Variants in PCCB observed in about 807,000 individuals in gnomAD.
PCCB encodes the protein propionyl-CoA carboxylase subunit beta, also known as propionyl-CoA carboxylase beta chain, mitochondrial.
Under a neutral mutation model 60.7 loss-of-function variants are expected in PCCB, and 43 were observed. The observed-to-expected ratio is 0.71, with a 90% CI of 0.55 to 0.91. PCCB has a LOEUF of 0.91. Among genes scored for constraint, PCCB ranks in the 40% least tolerant of loss-of-function variants. The pLI, the probability that PCCB is intolerant of heterozygous loss-of-function variation, is 0.00. For missense variants in PCCB, 766 were observed against 702.8 expected, an observed-to-expected ratio of 1.09 and a Z score of -1.02; for synonymous variants, 276 against 255.9, an observed-to-expected ratio of 1.08 and a Z score of -0.75.
At chr3:136,326,273 C>A (rs16843918) in intron 10 of PCCB, 2 of 698,182 alleles carry the variant, frequency 2.9e-6, no homozygotes, top group East Asian at 5.4e-5. Context: ...GGAAACTCTT[C>A]TAGGAGGGGA....
At chr3:136,316,557 C>A (rs1934902872) in intron 9 of PCCB, among the ~76,000 whole-genome samples, 1 of 152,258 alleles carries the variant, frequency 6.6e-6, no homozygotes, top group Admixed American at 6.5e-5. Flanking sequence ...CTCAGGTGAT[C>A]CACCTGCCTC....
chr3:136,261,899 G>T, intron 4 of PCCB, 53 bp from the exon 5 acceptor site: 1 of 1,273,142 alleles, frequency 7.9e-7, no homozygotes, highest in South Asian at 1.3e-5. Context: ...TGTGAATGTC[G>T]TTTTTTATAT....
chr3:136,264,430 A>ATATGTG (rs1553775211), intron 5 of PCCB, among the ~76,000 whole-genome samples: 1 of 129,336 alleles, frequency 7.7e-6, no homozygotes, highest in Non-Finnish European at 1.7e-5. Context: ...TCTCATATAT[A>ATATGTG]TGTGTGTGTG....
At chr3:136,308,974 A>G (rs1293145009) in intron 9 of PCCB, among the ~76,000 whole-genome samples, 1 of 152,178 alleles carries the variant, frequency 6.6e-6, no homozygotes, top group Non-Finnish European at 1.5e-5. Flanking sequence ...GAGAAGGAAA[A>G]TAAACAGGCC....
chr3:136,259,989 T>C (rs1207220508), intron 3 of PCCB, among the ~76,000 whole-genome samples: 1 of 152,180 alleles, frequency 6.6e-6, no homozygotes, highest in East Asian at 1.9e-4. Context: ...TGACCTCAAG[T>C]GATCCTCCTG....
At chr3:136,251,277 G>A in intron 1 of PCCB, 1 of 456,648 alleles carries the variant, frequency 2.2e-6, no homozygotes, top group Non-Finnish European at 4.4e-6. Context: ...TAAGCTGGGC[G>A]GCCCATTTTG....
At chr3:136,294,535 C>G (rs1428482364) in intron 7 of PCCB, among the ~76,000 whole-genome samples, 2 of 151,800 alleles carry the variant, frequency 1.3e-5, no homozygotes, top group South Asian at 4.2e-4. Flanking sequence ...GTGTCAGACT[C>G]TTGGCCTCAA....
Position 136,275,154 on chromosome 3 carries a change from T to G in PCCB, c.544-8683T>G, listed in dbSNP as rs562784068. 1.4e-3 allele frequency among the ~76,000 whole-genome samples: 216 copies of G among 152,296 alleles called. 1 individual carries two copies. The highest frequency in any genetic ancestry group is 4.8e-3 in the African/African-American group (201 of 41,572). On this transcript the variant is annotated intron_variant, in intron 5 of 14. Transcript: ENST00000251654. ...TCTTTTTTCTTTATTTTTGTCTGATTGGGTTAATTTGAAAGCCTTGTCTTG... is the reference window on the plus strand; with the variant it reads ...TCTTTTTTCTTTATTTTTGTCTGATGGGGTTAATTTGAAAGCCTTGTCTTG...
At chr3:136,300,741 G>T (rs555735768) in intron 8 of PCCB, among the ~76,000 whole-genome samples, 1 of 152,318 alleles carries the variant, frequency 6.6e-6, no homozygotes, top group South Asian at 2.1e-4. Flanking sequence ...TACCTAGAAT[G>T]TAGGAGGTAT....
chr3:136,291,618 C>T (rs1215358972), intron 6 of PCCB, among the ~76,000 whole-genome samples: 3 of 152,076 alleles, frequency 2.0e-5, no homozygotes, highest in Admixed American at 2.0e-4. Flanking sequence ...TTGGGGCTGG[C>T]CATTTCCCCT....
In PCCB at chr3:136,329,775, C is replaced by A. The variant is rs1005354553; in HGVS notation, c.1499-130C>A. On this transcript the variant is annotated intron_variant, in intron 14 of 14. Transcript: ENST00000251654. ...ACAAGGGGGAATTCACAGGGCCTAC[C>A]ATCTCTGTATCAGGTTGGGCACTGC... 5 of 941,636 alleles carry A rather than the reference C, an allele frequency of 5.3e-6. No individual in the cohort carries two copies. In the African/African-American group the frequency reaches 8.0e-5, roughly 15 times the overall value. 58.3% of individuals were successfully genotyped at this position (941,636 alleles called of 1,614,324 possible).
intron 6 of PCCB, among the ~76,000 whole-genome samples, chr3:136,288,404 G>T (rs1462778134): frequency 6.6e-6 from 1 of 151,910 alleles, no homozygotes; most frequent in African/African-American, 2.4e-5. Flanking sequence ...GGAGTGCAGT[G>T]GTGTGATCTC....
At chr3:136,318,062 G>A (rs1299930476) in intron 10 of PCCB, among the ~76,000 whole-genome samples, 1 of 152,158 alleles carries the variant, frequency 6.6e-6, no homozygotes, top group Non-Finnish European at 1.5e-5. Flanking sequence ...GTTTTGGCTG[G>A]GTGTGGTGCC....
intron 5 of PCCB, among the ~76,000 whole-genome samples, chr3:136,271,284 T>C (rs1288095419): frequency 6.6e-6 from 1 of 152,210 alleles, no homozygotes; most frequent in Non-Finnish European, 1.5e-5. Context: ...GGTAATGTGA[T>C]GCCTTCAGAT....
intron 6 of PCCB, among the ~76,000 whole-genome samples, chr3:136,287,739 G>A (rs1378386183): frequency 1.3e-5 from 2 of 152,154 alleles, no homozygotes; most frequent in African/African-American, 4.8e-5. Flanking sequence ...CCCAGTTATA[G>A]TAAATATTTC....
chr3:136,306,482 C>T (rs1168227186), intron 9 of PCCB, among the ~76,000 whole-genome samples: 2 of 121,104 alleles, frequency 1.7e-5, no homozygotes, highest in African/African-American at 5.0e-5. Context: ...GATAAATAGC[C>T]TAAAAAATGA....
At chr3:136,300,166 A>ATATATGTG (rs1491338864) in intron 8 of PCCB, among the ~76,000 whole-genome samples, 1 of 128,582 alleles carries the variant, frequency 7.8e-6, no homozygotes, top group East Asian at 1.9e-4. Context: ...ATATATACAC[A>ATATATGTG]TATGTATATG....
At chr3:136,293,903 T>C (rs371685159) in intron 7 of PCCB, 39 bp downstream of exon 7, 3 of 1,197,590 alleles carry the variant, frequency 2.5e-6, no homozygotes, top group Non-Finnish European at 3.7e-6. Flanking sequence ...TTTTCAAACA[T>C]TGAGAAGAGG....
At position 136,297,957 on chromosome 3, in the gene PCCB, G is replaced by T. The variant is rs1197317905; in HGVS notation, c.769G>T (p.Ala257Ser). ...TATGCTCCCTGTTCTCTTAGGTGTG[G>T]CCCACAGAGCTTTTGAAAATGATGT... is the stretch of plus-strand genomic sequence containing the variant. ...AKTHTTMSGV[A>S]HRAFENDVDA... The change falls in exon 8 of 15, where the codon GCC (alanine) becomes TCC (serine). Residue 257 changes from alanine (A) to serine (S), a missense_variant. Transcript: ENST00000251654. The T allele has an allele frequency of 6.2e-7, 1 of 1,614,006 alleles. No homozygotes were observed. Among genetic ancestry groups the T allele is most frequent in the Non-Finnish European group, 8.5e-7 (1 of 1,179,986 alleles).
Sources: gnomAD v4.1 joint callset for allele counts (sites outside exome capture counted in the v4.1 genomes callset) on GRCh38, gnomAD v4.1.1 for gene constraint, MANE v1.5 for transcripts, NCBI Gene and HGNC (gene_info 2026-07-23, HGNC 2026-07-21) for gene names.